Variants in CSMD3 observed in about 807,000 individuals in gnomAD.
CSMD3 encodes CUB and sushi domain-containing protein 3.
A neutral mutation model predicts 435.2 loss-of-function variants in CSMD3; 177 were observed. The ratio of observed to expected loss-of-function variants is 0.41; its 90% CI spans 0.36 to 0.46. CSMD3 has a LOEUF of 0.46. CSMD3 is among the 20% of genes least tolerant of loss of function. The pLI, the probability that CSMD3 is intolerant of heterozygous loss-of-function variation, is 0.34. For missense variants in CSMD3, 4,265 were observed against 4,504.6 expected, an observed-to-expected ratio of 0.95 and a Z score of 1.52; for synonymous variants, 1,656 against 1,520.5, an observed-to-expected ratio of 1.09 and a Z score of -2.07.
At chr8:113,077,601 G>A (rs1395611837) in intron 5 of CSMD3, among the ~76,000 whole-genome samples, 1 of 152,084 alleles carries the variant, frequency 6.6e-6, no homozygotes, top group African/African-American at 2.4e-5. Flanking sequence ...ACTAGCAGGG[G>A]CTGAGACAGG....
chr8:112,226,083 A>G (rs1462227784), intron 70 of CSMD3, among the ~76,000 whole-genome samples: 3 of 152,120 alleles, frequency 2.0e-5, no homozygotes, highest in Non-Finnish European at 4.4e-5. Flanking sequence ...TATAATTTGT[A>G]ATTGCCATTA....
At chr8:112,502,451 C>T (rs1256497418) in intron 30 of CSMD3, among the ~76,000 whole-genome samples, 1 of 152,200 alleles carries the variant, frequency 6.6e-6, no homozygotes, top group Non-Finnish European at 1.5e-5. Flanking sequence ...CCAGCAGATA[C>T]CCTTGCCCTG....
At chr8:112,680,611 A>G (rs2075867686) in intron 16 of CSMD3, among the ~76,000 whole-genome samples, 1 of 152,136 alleles carries the variant, frequency 6.6e-6, no homozygotes, top group Non-Finnish European at 1.5e-5. Context: ...CTGAACCCAT[A>G]CTATTTGAAG....
intron 34 of CSMD3, among the ~76,000 whole-genome samples, chr8:112,407,007 A>G (rs1552785): frequency 0.49 from 73,993 of 151,632 alleles, 18,237 homozygotes; most frequent in Middle Eastern, 0.6. Flanking sequence ...ATATTACAAA[A>G]TAGTTTTAGT....
chr8:112,299,480 T>A (rs1011848305), intron 53 of CSMD3, among the ~76,000 whole-genome samples: 9 of 152,014 alleles, frequency 5.9e-5, no homozygotes, highest in Non-Finnish European at 8.8e-5. Context: ...AAAAAATAAA[T>A]TAATGGATTG....
intron 10 of CSMD3, among the ~76,000 whole-genome samples, chr8:112,875,532 C>T (rs2130111641): frequency 6.6e-6 from 1 of 152,270 alleles, no homozygotes; most frequent in Non-Finnish European, 1.5e-5. Flanking sequence ...TGGTTCCATT[C>T]TCCCTGTCAC....
At chr8:113,236,427 T>C (rs1453632689) in intron 3 of CSMD3, among the ~76,000 whole-genome samples, 1 of 152,132 alleles carries the variant, frequency 6.6e-6, no homozygotes, top group Non-Finnish European at 1.5e-5. Flanking sequence ...GAACCTGAAC[T>C]GGCCTACCAG....
At chr8:112,735,175 C>A (rs1312138300) in intron 13 of CSMD3, among the ~76,000 whole-genome samples, 1 of 152,058 alleles carries the variant, frequency 6.6e-6, no homozygotes, top group Admixed American at 6.6e-5. Context: ...ATCTCAATTA[C>A]TCTACCAATC....
At chr8:113,426,069 A>G (rs951142062) in intron 1 of CSMD3, among the ~76,000 whole-genome samples, 12 of 151,584 alleles carry the variant, frequency 7.9e-5, no homozygotes, top group Admixed American at 7.2e-4. Context: ...TAGAGTATGT[A>G]TCGTCTCCAA....
chr8:113,080,549 T>C (rs1001873996), intron 5 of CSMD3, among the ~76,000 whole-genome samples: 1 of 152,052 alleles, frequency 6.6e-6, no homozygotes, highest in Non-Finnish European at 1.5e-5. Flanking sequence ...ATATGATGAG[T>C]ACAATAATAG....
chr8:113,379,341 A>G (rs1200234513), intron 1 of CSMD3, among the ~76,000 whole-genome samples: 1 of 152,232 alleles, frequency 6.6e-6, no homozygotes, highest in Non-Finnish European at 1.5e-5. Context: ...ACATAATAGT[A>G]TAAAATAAAA....
chr8:112,309,865 T>G (rs543614070), intron 50 of CSMD3, among the ~76,000 whole-genome samples: 2 of 152,172 alleles, frequency 1.3e-5, no homozygotes, highest in Non-Finnish European at 1.5e-5. Flanking sequence ...TAACTTATTA[T>G]TGGTTGATTT....
At chr8:112,801,574 A>T (rs966733132) in intron 12 of CSMD3, among the ~76,000 whole-genome samples, 1 of 152,066 alleles carries the variant, frequency 6.6e-6, no homozygotes, top group African/African-American at 2.4e-5. Context: ...ATTTTAAATT[A>T]CCATAATATA....
At chr8:113,211,083 T>G (rs1319245539) in intron 3 of CSMD3, among the ~76,000 whole-genome samples, 2 of 152,134 alleles carry the variant, frequency 1.3e-5, no homozygotes, top group Non-Finnish European at 2.9e-5. Flanking sequence ...TTCTACATCT[T>G]AAACTTCTTC....
chr8:113,223,862 T>C (rs2132145614), intron 3 of CSMD3, among the ~76,000 whole-genome samples: 1 of 150,842 alleles, frequency 6.6e-6, no homozygotes, highest in South Asian at 2.1e-4. Context: ...CATATAATAT[T>C]ATTTCCAGCT....
rs1323355045 is a variant in CSMD3 at position 112,255,378 on chromosome 8, G to T, written c.9912C>A (p.Gly3304=). The T allele has an allele frequency of 6.2e-7, 1 of 1,613,630 alleles. No individual in the cohort carries two copies. Among genetic ancestry groups the T allele is most frequent in the Non-Finnish European group, 8.5e-7 (1 of 1,179,752 alleles). ...PGIPAQGKRE[G]KSFIYQSEVS... ...CCTCTGACTGGTATATAAAGCTTTT[G>T]CCTTCTCTTTTTCCTTGGGCAGGTA... The change falls in exon 62 of 71, where the codon GGC becomes GGA. Residue 3304 remains glycine, a synonymous_variant. Transcript: ENST00000297405.
chr8:112,996,166 T>C (rs948344162), intron 6 of CSMD3, among the ~76,000 whole-genome samples: 6 of 151,370 alleles, frequency 4.0e-5, no homozygotes, highest in African/African-American at 1.5e-4. Context: ...ATACATAGAT[T>C]ATCTCTAGTC....
chr8:112,285,599 T>A (rs1819111070), intron 58 of CSMD3, among the ~76,000 whole-genome samples: 1 of 152,150 alleles, frequency 6.6e-6, no homozygotes, highest in East Asian at 1.9e-4. Flanking sequence ...TTTAAAAATA[T>A]TTTGCAAGTT....
At chr8:113,125,696 T>G (rs566915526) in intron 4 of CSMD3, among the ~76,000 whole-genome samples, 67 of 151,976 alleles carry the variant, frequency 4.4e-4, no homozygotes, top group Non-Finnish European at 8.6e-4. Flanking sequence ...TGAAACTAAA[T>G]AAAGAAAGTG....
Sources: allele counts gnomAD v4.1 joint callset (sites outside exome capture counted in the v4.1 genomes callset), GRCh38; gene constraint gnomAD v4.1.1; transcripts MANE v1.5; gene names NCBI Gene and HGNC (gene_info 2026-07-23, HGNC 2026-07-21).